The following KDM2A variants were observed in gnomAD, a reference collection of about 807,000 sequenced individuals.
The protein encoded by KDM2A is lysine-specific demethylase 2A.
KDM2A carries 3 observed loss-of-function variants against 137.3 expected under a neutral mutation model. The observed-to-expected ratio is 0.02, with a 90% CI of 0.01 to 0.06. The LOEUF (loss-of-function observed/expected upper bound fraction) is 0.06. KDM2A is among the 10% of genes least tolerant of loss of function. The pLI, the probability that KDM2A is intolerant of heterozygous loss-of-function variation, is 1.00. For synonymous variants in KDM2A, 512 were observed against 541.5 expected, an observed-to-expected ratio of 0.95 and a Z score of 0.76; for missense variants, 738 against 1,510.6, an observed-to-expected ratio of 0.49 and a Z score of 8.48.
At chr11:67,144,739 AT>A (rs1404548047) in intron 2 of KDM2A, among the ~76,000 whole-genome samples, 3 of 145,704 alleles carry the variant, frequency 2.1e-5, no homozygotes, top group African/African-American at 7.7e-5. Context: ...AATATTTGGT[AT>A]TTTTTTTGTA....
At chr11:67,162,653 G>A (rs573814343) in intron 2 of KDM2A, among the ~76,000 whole-genome samples, 6 of 152,174 alleles carry the variant, frequency 3.9e-5, no homozygotes, top group African/African-American at 1.2e-4. Flanking sequence ...TGATCCGCCC[G>A]CCTCGGCCTC....
Position 67,204,732 on chromosome 11 carries a change from C to T in KDM2A, c.308-2778C>T, listed in dbSNP as rs182106102. 2.6e-5 allele frequency among the ~76,000 whole-genome samples: 4 copies of T among 152,166 alleles called. No homozygotes were observed. In the East Asian group the frequency reaches 7.7e-4, roughly 29 times the overall value. ...GGTCTTGATCTCCTGACCTCGTGAT[C>T]CACCCACCTCGACCTCCCAAAGTGC... On this transcript the variant is annotated intron_variant, in intron 5 of 20. Coordinates refer to ENST00000529006, the MANE Select transcript of KDM2A (RefSeq NM_012308.3).
intron 2 of KDM2A, among the ~76,000 whole-genome samples, chr11:67,176,880 AGT>A (rs1856981447): frequency 6.6e-6 from 1 of 152,212 alleles, no homozygotes; most frequent in Non-Finnish European, 1.5e-5. Flanking sequence ...GTGAGTGAAT[AGT>A]GAGTAAATGC....
intron 16 of KDM2A, among the ~76,000 whole-genome samples, chr11:67,249,851 G>T (rs1289945443): frequency 1.3e-5 from 2 of 152,162 alleles, no homozygotes; most frequent in Non-Finnish European, 2.9e-5. Flanking sequence ...AAATGGTCAG[G>T]CCAGGTGCAG....
rs1859624805 is a variant in KDM2A at position 67,256,609 on chromosome 11, G to A, written c.*1554G>A. On this transcript the variant is annotated 3_prime_UTR_variant, in exon 21 of 21. Coordinates refer to ENST00000529006, the MANE Select transcript of KDM2A (RefSeq NM_012308.3). ...AGTCTCAGGCTTTCCTCTTCCTGAAGCCCTACAGAGTTAGGGAATGGAGCC... is the reference window on the plus strand; with the variant it reads ...AGTCTCAGGCTTTCCTCTTCCTGAAACCCTACAGAGTTAGGGAATGGAGCC... The A allele has an allele frequency of 1.3e-5, 2 of 152,566 alleles. No homozygotes were observed. Among genetic ancestry groups the A allele is most frequent in the South Asian group, 4.1e-4 (2 of 4,830 alleles). 9.5% of individuals were successfully genotyped at this position (152,566 alleles called of 1,614,324 possible). A position where few individuals can be genotyped will look rare whatever the true frequency, so the allele number is the denominator to read the frequency against.
chr11:67,222,161 G>A (rs571165053), intron 10 of KDM2A, among the ~76,000 whole-genome samples: 17 of 112,092 alleles, frequency 1.5e-4, no homozygotes, highest in African/African-American at 5.9e-4. Flanking sequence ...GTGGAGGGAA[G>A]GTCAGCAGAT....
intron 2 of KDM2A, among the ~76,000 whole-genome samples, chr11:67,170,931 G>A (rs74370496): frequency 1.3e-5 from 2 of 152,090 alleles, no homozygotes; most frequent in Non-Finnish European, 2.9e-5. Context: ...AAGTACCTGG[G>A]TTCTAGATCC....
intron 11 of KDM2A, among the ~76,000 whole-genome samples, chr11:67,228,626 A>T (rs1426628871): frequency 6.7e-6 from 1 of 150,128 alleles, no homozygotes; most frequent in Non-Finnish European, 1.5e-5. Context: ...TTGAGGCTGC[A>T]GTGAGCCGAA....
intron 10 of KDM2A, among the ~76,000 whole-genome samples, chr11:67,223,676 T>C (rs1302725837): frequency 6.6e-6 from 1 of 152,166 alleles, no homozygotes; most frequent in Non-Finnish European, 1.5e-5. Context: ...CCCCAAAGCC[T>C]TGGGACCACG....
chr11:67,145,126 C>T (rs1267170870), intron 2 of KDM2A, among the ~76,000 whole-genome samples: 1 of 149,954 alleles, frequency 6.7e-6, no homozygotes, highest in Non-Finnish European at 1.5e-5. Context: ...CCCAGCTTGG[C>T]CTCCCAAAGT....
chr11:67,126,986 C>G (rs1040874251), intron 2 of KDM2A, among the ~76,000 whole-genome samples: 3 of 152,020 alleles, frequency 2.0e-5, no homozygotes, highest in Non-Finnish European at 4.4e-5. Flanking sequence ...CAGAACAAAG[C>G]CAGAACTCTG....
chr11:67,247,244 T>C (rs905321501), intron 15 of KDM2A, among the ~76,000 whole-genome samples: 1 of 148,582 alleles, frequency 6.7e-6, no homozygotes, highest in Admixed American at 6.7e-5. Flanking sequence ...CACGTGCCAC[T>C]GCGCCCAGCT....
intron 2 of KDM2A, among the ~76,000 whole-genome samples, chr11:67,125,174 CT>C (rs1252436173): frequency 2.8e-4 from 39 of 136,904 alleles, no homozygotes; most frequent in Middle Eastern, 8.5e-3. Flanking sequence ...AGGGAACTTT[CT>C]TTTTTTTTTT....
chr11:67,246,260 G>T, intron 15 of KDM2A, 144 bp downstream of exon 15: 1 of 869,668 alleles, frequency 1.1e-6, no homozygotes. Flanking sequence ...TCTAACATCA[G>T]CCCTTGATTC....
At chr11:67,189,737 G>A (rs961866209) in intron 5 of KDM2A, among the ~76,000 whole-genome samples, 9 of 152,204 alleles carry the variant, frequency 5.9e-5, no homozygotes, top group African/African-American at 1.9e-4. Flanking sequence ...CTACTCGGGA[G>A]GCTGAGGCAG....
At position 67,182,525 on chromosome 11, in the gene KDM2A, T is replaced by C. The variant is rs548608261; in HGVS notation, c.307+633T>C. On this transcript the variant is annotated intron_variant, in intron 5 of 20. Transcript: ENST00000529006. The stretch of plus-strand genomic sequence containing the variant: ...TTCAGGGATGGTCAGTAAAATTGAA[T>C]AAGTCTTTTTTTTTTTTTTTTTTTT... Among the ~76,000 whole-genome samples, 54 of 136,868 alleles carry C rather than the reference T, an allele frequency of 3.9e-4. No individual in the cohort carries two copies. The South Asian group carries it at 7.5e-3, about 19-fold the overall frequency. The allele number at this position is 136,868 out of a possible 152,430, so 89.8% of individuals were successfully genotyped here.
At chr11:67,207,884 A>T (rs971397568) in intron 6 of KDM2A, among the ~76,000 whole-genome samples, 196 bp downstream of exon 6, 3 of 152,016 alleles carry the variant, frequency 2.0e-5, no homozygotes, top group African/African-American at 7.3e-5. Context: ...AAAAAAAATT[A>T]GCTGGGTGTG....
chr11:67,248,434 A>ATCCCC, intron 16 of KDM2A, 64 bp downstream of exon 16: 5 of 1,141,036 alleles, frequency 4.4e-6, no homozygotes, highest in African/African-American at 1.5e-5. Flanking sequence ...GGGGATTGCT[A>ATCCCC]CACGTTTGCC....
At chr11:67,200,213 T>C (rs1476894917) in intron 5 of KDM2A, among the ~76,000 whole-genome samples, 6 of 151,980 alleles carry the variant, frequency 3.9e-5, no homozygotes, top group Admixed American at 3.9e-4. Context: ...ATATTGTTTG[T>C]GTGGTTTTTT....
Sources: allele counts gnomAD v4.1 joint callset (sites outside exome capture counted in the v4.1 genomes callset), GRCh38; gene constraint gnomAD v4.1.1; transcripts MANE v1.5; gene names NCBI Gene and HGNC (gene_info 2026-07-23, HGNC 2026-07-21).